NCAM2: variants seen among roughly 807,000 people sequenced by gnomAD.
NCAM2 encodes the protein N-CAM-2.
NCAM2 carries 30 observed loss-of-function variants against 98.1 expected under a neutral mutation model. The observed-to-expected ratio is 0.31, with a 90% CI of 0.23 to 0.41. NCAM2 has a LOEUF of 0.41. NCAM2 is among the 10% of genes least tolerant of loss of function. NCAM2 has a pLI of 1.00. For missense variants in NCAM2, 867 were observed against 1,005.8 expected, an observed-to-expected ratio of 0.86 and a Z score of 1.87; for synonymous variants, 368 against 342.4, an observed-to-expected ratio of 1.07 and a Z score of -0.83.
At chr21:21,519,971 G>A (rs993558913) in intron 16 of NCAM2, among the ~76,000 whole-genome samples, 8 of 152,022 alleles carry the variant, frequency 5.3e-5, no homozygotes, top group African/African-American at 1.9e-4. Context: ...ATTAAGATCA[G>A]TGTCATAGAG....
intron 1 of NCAM2, among the ~76,000 whole-genome samples, chr21:21,242,153 T>G: frequency 0.016 from 1 of 64 alleles, no homozygotes; most frequent in Non-Finnish European, 0.019. Context: ...TCTTTGTTAC[T>G]AAAAAAGAAA....
chr21:21,185,820 A>G (rs574777264), intron 1 of NCAM2, among the ~76,000 whole-genome samples: 7 of 152,134 alleles, frequency 4.6e-5, no homozygotes, highest in African/African-American at 1.7e-4. Context: ...GAATATGCAT[A>G]AAAGTGGGTA....
chr21:21,372,565 G>A (rs1020176736), intron 8 of NCAM2, among the ~76,000 whole-genome samples: 9 of 151,842 alleles, frequency 5.9e-5, no homozygotes, highest in African/African-American at 1.7e-4. Flanking sequence ...TCAGATATTT[G>A]TAATGCGTTT....
chr21:21,421,357 C>T (rs1423831377), intron 11 of NCAM2, among the ~76,000 whole-genome samples: 1 of 135,172 alleles, frequency 7.4e-6, no homozygotes, highest in Non-Finnish European at 1.6e-5. Context: ...TTAAAGTTTT[C>T]ATCAAAGCTG....
chr21:21,460,206 G>A (rs170868), intron 12 of NCAM2, among the ~76,000 whole-genome samples: 6,485 of 151,238 alleles, frequency 0.043, 456 homozygotes, highest in African/African-American at 0.15. Context: ...CTTATAATTC[G>A]CGTTTATGAG....
Position 21,508,935 on chromosome 21 carries a change from T to C in NCAM2, c.2162T>C (p.Val721Ala). The C allele has an allele frequency of 6.2e-7, 1 of 1,610,356 alleles. No homozygotes were observed. The change falls in exon 16 of 18, where the codon GTC becomes GCC. Residue 721 changes from valine (V) to alanine (A), a missense_variant. Physicochemically the swap from Val to Ala is moderately conservative, Grantham distance 64. Transcript: ENST00000400546. ...ALLLILVVTD[V>A]SCFFIRQCGL... Reference sequence around the variant, plus strand: ...CTGCTAATTCTTGTGGTAACAGACGTCAGCTGCTTCTTTATTCGGCAATGT... The same window carrying C: ...CTGCTAATTCTTGTGGTAACAGACGCCAGCTGCTTCTTTATTCGGCAATGT...
At chr21:21,090,217 T>C (rs946979334) in intron 1 of NCAM2, among the ~76,000 whole-genome samples, 5 of 152,168 alleles carry the variant, frequency 3.3e-5, no homozygotes, top group African/African-American at 4.8e-5. Flanking sequence ...TTTTCTCTTA[T>C]CTATTGTTGT....
At chr21:21,480,992 T>C (rs1217622088) in intron 15 of NCAM2, among the ~76,000 whole-genome samples, 3 of 152,174 alleles carry the variant, frequency 2.0e-5, no homozygotes, top group Admixed American at 6.5e-5. Flanking sequence ...GTTGGTTAGA[T>C]ATGTGGGCGT....
At chr21:21,186,564 A>G (rs2068646604) in intron 1 of NCAM2, among the ~76,000 whole-genome samples, 2 of 152,172 alleles carry the variant, frequency 1.3e-5, no homozygotes, top group Admixed American at 1.3e-4. Context: ...TCTATACAAA[A>G]CAGTAATACC....
At chr21:21,524,033 A>G (rs1479082391) in intron 16 of NCAM2, among the ~76,000 whole-genome samples, 1 of 134,320 alleles carries the variant, frequency 7.4e-6, no homozygotes, top group Non-Finnish European at 1.6e-5. Flanking sequence ...CCAACCAGAT[A>G]TTGTCCACAC....
intron 5 of NCAM2, among the ~76,000 whole-genome samples, chr21:21,302,211 C>A (rs1449257304): frequency 1.3e-5 from 2 of 151,806 alleles, no homozygotes; most frequent in Non-Finnish European, 2.9e-5. Flanking sequence ...TGGAACCAAC[C>A]CAAATGTCCA....
intron 1 of NCAM2, among the ~76,000 whole-genome samples, chr21:21,123,128 C>A (rs1271301635): frequency 6.8e-6 from 1 of 146,574 alleles, no homozygotes; most frequent in Admixed American, 7.0e-5. Context: ...GCAGGGGGTG[C>A]TCATGCCTGT....
chr21:21,279,835 G>C (rs1342676596), intron 1 of NCAM2, among the ~76,000 whole-genome samples: 1 of 152,160 alleles, frequency 6.6e-6, no homozygotes, highest in Admixed American at 6.5e-5. Flanking sequence ...GCTCAAGTAC[G>C]TGCATTTGAG....
chr21:21,099,791 C>G (rs2146482794), intron 1 of NCAM2, among the ~76,000 whole-genome samples: 1 of 152,010 alleles, frequency 6.6e-6, no homozygotes, highest in East Asian at 1.9e-4. Context: ...TTCTCGTGAA[C>G]CTAAAATTTA....
At position 21,509,016 on chromosome 21, in the gene NCAM2, G is replaced by C. The variant is rs895021665; in HGVS notation, c.2243G>C (p.Gly748Ala). ...TGTGGAAAGAAAAGTGGCTCCAGTGGCAAAAGTAAAGAACTCGAAGAAGGA... is the reference window on the plus strand; with the variant it reads ...TGTGGAAAGAAAAGTGGCTCCAGTGCCAAAAGTAAAGAACTCGAAGAAGGA... The part of the protein sequence containing the change: ...RMCGKKSGSS[G>A]KSKELEEGKA... Residue 748 changes from glycine to alanine, a missense_variant, in exon 16 of 18, where the codon GGC (glycine) becomes GCC (alanine). Physicochemically the swap from Gly to Ala is moderately conservative, Grantham distance 60. Transcript: ENST00000400546. 3.1e-6 allele frequency: 5 copies of C among 1,613,250 alleles called. No homozygotes were observed. The African/African-American group carries it at 6.7e-5, about 22-fold the overall frequency.
At chr21:21,192,566 AC>A (rs780778032) in intron 1 of NCAM2, among the ~76,000 whole-genome samples, 1 of 152,204 alleles carries the variant, frequency 6.6e-6, no homozygotes, top group East Asian at 1.9e-4. Context: ...AGCATTACTT[AC>A]AAAAAGTTTA....
chr21:21,022,208 T>TA (rs772484528), intron 1 of NCAM2, among the ~76,000 whole-genome samples: 43 of 151,996 alleles, frequency 2.8e-4, no homozygotes, highest in Non-Finnish European at 6.0e-4. Context: ...CCAAGTGTTT[T>TA]AAAAAAATAC....
chr21:21,192,373 G>A (rs933264983), intron 1 of NCAM2, among the ~76,000 whole-genome samples: 1 of 152,174 alleles, frequency 6.6e-6, no homozygotes, highest in African/African-American at 2.4e-5. Flanking sequence ...TCAAAAGAAG[G>A]TGGTAAATAG....
At chr21:21,092,936 T>A (rs932060371) in intron 1 of NCAM2, among the ~76,000 whole-genome samples, 10 of 152,082 alleles carry the variant, frequency 6.6e-5, no homozygotes, top group African/African-American at 2.2e-4. Context: ...TTTCAAATGT[T>A]CTACAGAATT....
Sources: gnomAD v4.1 joint callset for allele counts (sites outside exome capture counted in the v4.1 genomes callset) on GRCh38, gnomAD v4.1.1 for gene constraint, MANE v1.5 for transcripts, NCBI Gene and HGNC (gene_info 2026-07-23, HGNC 2026-07-21) for gene names.